The following POLR1A variants were observed in gnomAD, a reference collection of about 807,000 sequenced individuals.
The protein encoded by POLR1A is DNA-directed RNA polymerase I subunit RPA1.
A neutral mutation model predicts 205.3 loss-of-function variants in POLR1A; 84 were observed. That is an observed-to-expected ratio of 0.41 (90% CI 0.34 to 0.49). POLR1A has a LOEUF of 0.49. Among genes scored for constraint, POLR1A ranks in the 20% least tolerant of loss-of-function variants. The pLI, the probability that POLR1A is intolerant of heterozygous loss-of-function variation, is 0.22. For missense variants in POLR1A, 1,645 were observed against 2,204.5 expected (o/e 0.75, Z 5.08); for synonymous variants, 799 against 863.7 (o/e 0.93, Z 1.31).
chr2:86,065,681 G>A, intron 13 of POLR1A: 2 of 556,596 alleles, frequency 3.6e-6, no homozygotes, highest in Non-Finnish European at 6.4e-6. Flanking sequence ...TTTGCCATTT[G>A]CCCACTATCC....
intron 12 of POLR1A, among the ~76,000 whole-genome samples, chr2:86,074,126 C>T (rs1673236920): frequency 6.6e-6 from 1 of 152,170 alleles, no homozygotes; most frequent in African/African-American, 2.4e-5. Context: ...GCAAGAAGGC[C>T]TGTGATGAGC....
At chr2:86,027,747 C>T (rs1672295256) in intron 33 of POLR1A, 138 bp downstream of exon 33, 2 of 997,254 alleles carry the variant, frequency 2.0e-6, no homozygotes, top group African/African-American at 3.2e-5. Context: ...TGTTCAGCCC[C>T]CTCCAGCCGC....
intron 14 of POLR1A, among the ~76,000 whole-genome samples, chr2:86,057,216 G>A (rs1220269050): frequency 6.6e-6 from 1 of 152,142 alleles, no homozygotes; most frequent in Non-Finnish European, 1.5e-5. Flanking sequence ...ATGACTTTCA[G>A]AGGGTCAAGA....
rs183759363 is a variant in POLR1A, at chr2:86,033,647, G to A, written c.4161+14C>T. 11 of 1,611,210 alleles carry A rather than the reference G, an allele frequency of 6.8e-6. No individual in the cohort carries two copies. Among genetic ancestry groups the A allele is most frequent in the African/African-American group, 2.7e-5 (2 of 74,866 alleles). ...TCCCTGTGCAACTCTAGTGACCCCC[G>A]GGGACTCACTCACCCGACTCCTCCC... On this transcript the variant is annotated intron_variant, in intron 28 of 33. Transcript: ENST00000263857.
chr2:86,102,452 T>C (rs2104439622), intron 1 of POLR1A, among the ~76,000 whole-genome samples: 1 of 152,348 alleles, frequency 6.6e-6, no homozygotes, highest in East Asian at 1.9e-4. Context: ...AAGTCCTTTG[T>C]CCATTTTAAA....
intron 23 of POLR1A, 106 bp from the exon 24 acceptor site, chr2:86,042,209 C>T: frequency 1.2e-6 from 1 of 809,624 alleles, no homozygotes; most frequent in Non-Finnish European, 2.1e-6. Context: ...AGAAAGAAAC[C>T]TGATTGCAAT....
chr2:86,052,796 G>A (rs750896000), intron 16 of POLR1A, 21 bp downstream of exon 16: 1 of 1,484,940 alleles, frequency 6.7e-7, no homozygotes, highest in Non-Finnish European at 9.0e-7. Flanking sequence ...ACTGCCCCAG[G>A]GCAGCGAGCC....
rs1302759694 is a variant in POLR1A, at chr2:86,025,176, C to T, written c.*2247G>A. On this transcript the variant is annotated 3_prime_UTR_variant, in exon 34 of 34. Coordinates refer to ENST00000263857, the MANE Select transcript of POLR1A (RefSeq NM_015425.6). ...ACAGCTCTCATGAAAAGTTTGTGAA[C>T]CCCACCAGATGATCAATCTCCATTA... 6.6e-6 allele frequency: 1 copy of T among 152,160 alleles called. No individual in the cohort carries two copies. The highest frequency in any genetic ancestry group is 1.5e-5 in the Non-Finnish European group (1 of 68,014). 9.4% of individuals were successfully genotyped at this position (152,160 alleles called of 1,614,324 possible). A position where few individuals can be genotyped will look rare whatever the true frequency, so the allele number is the denominator to read the frequency against.
intron 13 of POLR1A, among the ~76,000 whole-genome samples, chr2:86,068,563 T>C (rs1673126006): frequency 6.6e-6 from 1 of 152,212 alleles, no homozygotes; most frequent in Admixed American, 6.5e-5. Flanking sequence ...ACTTAATAAA[T>C]GGCAGCTTTT....
intron 6 of POLR1A, among the ~76,000 whole-genome samples, chr2:86,083,936 T>G (rs1239816012): frequency 6.6e-6 from 1 of 152,188 alleles, no homozygotes; most frequent in African/African-American, 2.4e-5. Flanking sequence ...GGCTTGGGAC[T>G]GCCATTCAGG....
At chr2:86,029,697 C>T (rs143135658) in intron 31 of POLR1A, among the ~76,000 whole-genome samples, 1,711 of 150,222 alleles carry the variant, frequency 0.011, 29 homozygotes, top group South Asian at 0.063. Context: ...CCTGGGTTAT[C>T]GCCATTCTCC....
chr2:86,096,404 T>C (rs1673703424), intron 3 of POLR1A, among the ~76,000 whole-genome samples: 1 of 151,808 alleles, frequency 6.6e-6, no homozygotes, highest in African/African-American at 2.4e-5. Context: ...ATGACATTCT[T>C]TGCAGAAACA....
In POLR1A at chr2:86,020,699, G is replaced by A. The variant is rs1690115045; in HGVS notation, c.*6724C>T. ...CAACCTCGGCATTATTGATATTTGG[G>A]GCTGGACAATTCTTTGCTGTGGAGA... On this transcript the variant is annotated 3_prime_UTR_variant, in exon 34 of 34. Coordinates refer to ENST00000263857, the MANE Select transcript of POLR1A (RefSeq NM_015425.6). The A allele has an allele frequency of 6.6e-6, 1 of 152,088 alleles. No homozygotes were observed. The highest frequency in any genetic ancestry group is 6.6e-5 in the Admixed American group (1 of 15,260). 9.4% of individuals were successfully genotyped at this position (152,088 alleles called of 1,614,324 possible). A position where few individuals can be genotyped will look rare whatever the true frequency, so the allele number is the denominator to read the frequency against.
chr2:86,039,018 G>C, intron 26 of POLR1A, 161 bp from the exon 27 acceptor site: 1 of 699,400 alleles, frequency 1.4e-6, no homozygotes, highest in Non-Finnish European at 2.4e-6. Flanking sequence ...GGATCTGCTG[G>C]GGGGCCCACA....
intron 24 of POLR1A, 47 bp from the exon 25 acceptor site, chr2:86,040,606 A>G (rs745693849): frequency 5.0e-6 from 7 of 1,401,818 alleles, no homozygotes; most frequent in Non-Finnish European, 6.7e-6. Flanking sequence ...GGCAGGGGTC[A>G]GGAGCAGACA....
intron 25 of POLR1A, chr2:86,039,899 C>CT: frequency 9.3e-6 from 2 of 214,832 alleles, no homozygotes; most frequent in Non-Finnish European, 1.9e-5. Context: ...AGTGAGGTAC[C>CT]TGTCCAGAGT....
At chr2:86,098,429 T>C (rs957035798) in intron 3 of POLR1A, among the ~76,000 whole-genome samples, 182 bp downstream of exon 3, 1 of 152,232 alleles carries the variant, frequency 6.6e-6, no homozygotes, top group Non-Finnish European at 1.5e-5. Flanking sequence ...TCTATGAACA[T>C]TTCTTTTATT....
At chr2:86,032,242 A>C (rs1672411665) in intron 29 of POLR1A, 30 bp downstream of exon 29, 2 of 1,414,740 alleles carry the variant, frequency 1.4e-6, no homozygotes, top group Non-Finnish European at 1.0e-6. Context: ...CTGGGACCAC[A>C]GCTCCTTCAC....
At chr2:86,033,528 G>T in intron 28 of POLR1A, 133 bp downstream of exon 28, 1 of 1,035,166 alleles carries the variant, frequency 9.7e-7, no homozygotes, top group Non-Finnish European at 1.4e-6. Context: ...AGAACAGCAG[G>T]TAAAAGCTGA....
Sources: gnomAD v4.1 joint callset for allele counts (sites outside exome capture counted in the v4.1 genomes callset) on GRCh38, gnomAD v4.1.1 for gene constraint, MANE v1.5 for transcripts, NCBI Gene and HGNC (gene_info 2026-07-23, HGNC 2026-07-21) for gene names.